Variants in ADRA1B observed in about 807,000 individuals in gnomAD.
The protein encoded by ADRA1B is adrenoceptor alpha 1B, also known as alpha-1B adrenergic receptor.
In ADRA1B, 17 loss-of-function variants were observed where a neutral mutation model predicts 17.9. That is an observed-to-expected ratio of 0.95 (90% CI 0.65 to 1.42). The LOEUF (loss-of-function observed/expected upper bound fraction) is 1.42. ADRA1B is among the 40% of genes most tolerant of loss of function. The pLI is 0.00. For missense variants in ADRA1B, 681 were observed against 722.1 expected, an observed-to-expected ratio of 0.94 and a Z score of 0.65; for synonymous variants, 366 against 327.6, an observed-to-expected ratio of 1.12 and a Z score of -1.27.
chr5:159,947,626 A>G lies in ADRA1B; in HGVS notation c.950-24253A>G. 3 of 840,924 alleles carry G rather than the reference A, an allele frequency of 3.6e-6. No homozygotes were observed. In the South Asian group the frequency reaches 1.6e-4, roughly 46 times the overall value. The allele number at this position is 840,924 out of a possible 1,614,324, so 52.1% of individuals were successfully genotyped here. A position where few individuals can be genotyped will look rare whatever the true frequency, so the allele number is the denominator to read the frequency against. ...CTTTTTTTCAATACACTGGCTTTCA[A>G]ATTAACGCTAAAGCTATTCATAAAT... is the stretch of plus-strand genomic sequence containing the variant. On this transcript the variant is annotated intron_variant, in intron 1 of 1. Transcript: ENST00000306675.
intron 1 of ADRA1B, among the ~76,000 whole-genome samples, chr5:159,906,447 C>T (rs1196030053): frequency 1.3e-5 from 2 of 152,148 alleles, no homozygotes; most frequent in African/African-American, 4.8e-5. Context: ...TAATGTTTCT[C>T]AAAATGTAGT....
chr5:159,980,857 G>T, the ADRA1B span, among the ~76,000 whole-genome samples: 2 of 152,084 alleles, frequency 1.3e-5, no homozygotes, highest in Admixed American at 1.3e-4. Context: ...AGAGGTATTA[G>T]AGGACTCTCT....
At chr5:159,901,968 T>C (rs1754105257) in intron 1 of ADRA1B, among the ~76,000 whole-genome samples, 1 of 152,202 alleles carries the variant, frequency 6.6e-6, no homozygotes, top group African/African-American at 2.4e-5. Flanking sequence ...AAAATGGAAC[T>C]ACCATATGAT....
chr5:159,912,065 C>T (rs1217039935), upstream of ADRA1B, among the ~76,000 whole-genome samples: 1 of 152,154 alleles, frequency 6.6e-6, no homozygotes, highest in East Asian at 1.9e-4. Context: ...GTACAGAAGG[C>T]ACTTTGGGCC....
chr5:159,917,931 T>G (rs909092963), intron 1 of ADRA1B, 77 bp downstream of exon 1: 24 of 1,237,462 alleles, frequency 1.9e-5, no homozygotes, highest in Non-Finnish European at 2.6e-5. Flanking sequence ...TCTAAAGTTT[T>G]TTGTGGGTTT....
intron 1 of ADRA1B, among the ~76,000 whole-genome samples, chr5:159,923,481 A>G (rs1202532533): frequency 6.6e-6 from 1 of 152,272 alleles, no homozygotes; most frequent in Non-Finnish European, 1.5e-5. Flanking sequence ...TCCGCAAGAG[A>G]GGAAATGTGT....
intron 1 of ADRA1B, chr5:159,950,840 T>G (rs1755419394): frequency 1.7e-6 from 1 of 598,656 alleles, no homozygotes; most frequent in Non-Finnish European, 3.1e-6. Context: ...AGCTTAGAGA[T>G]GACCCCTACC....
At chr5:159,944,319 T>G (rs1755213997) in intron 1 of ADRA1B, among the ~76,000 whole-genome samples, 1 of 152,220 alleles carries the variant, frequency 6.6e-6, no homozygotes, top group Non-Finnish European at 1.5e-5. Context: ...ATTTATTACC[T>G]GTCTGACCAT....
chr5:159,966,330 T>C (rs2113290535), intron 1 of ADRA1B, among the ~76,000 whole-genome samples: 1 of 152,358 alleles, frequency 6.6e-6, no homozygotes, highest in African/African-American at 2.4e-5. Context: ...ATAAGGACTC[T>C]ACATGTTTTT....
At chr5:159,981,020 G>A in the ADRA1B span, among the ~76,000 whole-genome samples, 88 of 152,228 alleles carry the variant, frequency 5.8e-4, no homozygotes, top group African/African-American at 1.9e-3. Flanking sequence ...CAAATGTTGG[G>A]GGCAAAACAA....
intron 1 of ADRA1B, chr5:159,947,823 C>T: frequency 1.0e-6 from 1 of 985,384 alleles, no homozygotes; most frequent in South Asian, 4.7e-5. Context: ...CATTGCATCA[C>T]CATATTATCC....
chr5:159,896,956 T>C (rs865930647), intron 1 of ADRA1B, among the ~76,000 whole-genome samples: 2 of 152,228 alleles, frequency 1.3e-5, no homozygotes, highest in Middle Eastern at 3.2e-3. Context: ...CAAATAATTA[T>C]TCATATAATA....
intron 1 of ADRA1B, among the ~76,000 whole-genome samples, chr5:159,962,630 G>A (rs551076654): frequency 1.3e-3 from 190 of 151,334 alleles, no homozygotes; most frequent in Non-Finnish European, 2.2e-3. Flanking sequence ...CACATAACAA[G>A]GACCCAATAC....
At chr5:159,921,805 T>C (rs1215778391) in intron 1 of ADRA1B, among the ~76,000 whole-genome samples, 1 of 152,210 alleles carries the variant, frequency 6.6e-6, no homozygotes, top group African/African-American at 2.4e-5. Context: ...TTCATTCAAA[T>C]GGGGGCTGAC....
intron 1 of ADRA1B, among the ~76,000 whole-genome samples, chr5:159,897,032 T>C (rs775115802): frequency 6.6e-6 from 1 of 152,210 alleles, no homozygotes; most frequent in Non-Finnish European, 1.5e-5. Flanking sequence ...TTGGGGCCTA[T>C]TGGCAATGGC....
At chr5:159,923,047 G>T (rs1228675196) in intron 1 of ADRA1B, among the ~76,000 whole-genome samples, 1 of 152,268 alleles carries the variant, frequency 6.6e-6, no homozygotes, top group African/African-American at 2.4e-5. Flanking sequence ...AGTGAAGGGG[G>T]CTGATAGAGG....
At chr5:159,982,076 G>A in the ADRA1B span, among the ~76,000 whole-genome samples, 2 of 152,182 alleles carry the variant, frequency 1.3e-5, no homozygotes, top group Non-Finnish European at 2.9e-5. Flanking sequence ...ATCATTCTAT[G>A]AGAAAGTTCA....
At chr5:159,986,760 T>C in the ADRA1B span, among the ~76,000 whole-genome samples, 1 of 152,226 alleles carries the variant, frequency 6.6e-6, no homozygotes, top group African/African-American at 2.4e-5. Flanking sequence ...ATTTACGATC[T>C]ATCCACTTTA....
chr5:159,921,950 G>T (rs1754493667), intron 1 of ADRA1B, among the ~76,000 whole-genome samples: 1 of 152,150 alleles, frequency 6.6e-6, no homozygotes, highest in African/African-American at 2.4e-5. Context: ...TAAATCAATT[G>T]GTTTGAGTAC....
Sources: allele counts gnomAD v4.1 joint callset (sites outside exome capture counted in the v4.1 genomes callset), GRCh38; gene constraint gnomAD v4.1.1; transcripts MANE v1.5; gene names NCBI Gene and HGNC (gene_info 2026-07-23, HGNC 2026-07-21).